Variants in EML6 observed in about 807,000 individuals in gnomAD.
The protein encoded by EML6 is EMAP like 6.
EML6 carries 154 observed loss-of-function variants against 240.1 expected under a neutral mutation model. The observed-to-expected ratio is 0.64, with a 90% CI of 0.56 to 0.73. The LOEUF is 0.73. Ranked by LOEUF, EML6 falls within the 30% of genes least tolerant of loss-of-function variation. The pLI, the probability that EML6 is intolerant of heterozygous loss-of-function variation, is 0.00. For synonymous variants in EML6, 1,148 were observed against 899.0 expected, an observed-to-expected ratio of 1.28 and a Z score of -4.95; for missense variants, 2,964 against 2,474.6, an observed-to-expected ratio of 1.20 and a Z score of -4.20.
intron 5 of EML6, among the ~76,000 whole-genome samples, chr2:54,825,455 GT>G (rs1172925251): frequency 5.3e-5 from 8 of 152,090 alleles, no homozygotes; most frequent in African/African-American, 1.9e-4. Flanking sequence ...TAGAGATGGG[GT>G]TTTGCCATGT....
At chr2:54,753,468 G>A (rs754962711) in intron 2 of EML6, among the ~76,000 whole-genome samples, 3 of 152,130 alleles carry the variant, frequency 2.0e-5, no homozygotes, top group African/African-American at 4.8e-5. Flanking sequence ...AAGTGAGAGT[G>A]ACAGGGAGTC....
chr2:54,909,823 C>T (rs1228666024), intron 24 of EML6, among the ~76,000 whole-genome samples: 1 of 125,108 alleles, frequency 8.0e-6, no homozygotes, highest in Non-Finnish European at 1.6e-5. Flanking sequence ...TGCACTCCAG[C>T]ATGGGTGACA....
chr2:54,928,366 C>T lies in EML6; in HGVS notation c.3729C>T (p.Asn1243=), dbSNP rs1181811849. Residue 1243 remains asparagine (N), a synonymous_variant, in exon 27 of 42, where the codon AAC becomes AAT. Coordinates refer to ENST00000356458, the MANE Select transcript of EML6 (RefSeq NM_001039753.4). ...TGGGGCACAGTGCACATGTCACTAA[C>T]GTGAGGTGGCTGCACAATGACTCTG... ...KYVGHSAHVT[N]VRWLHNDSVL... 7.1e-6 allele frequency: 11 copies of T among 1,552,032 alleles called. No homozygotes were observed. The highest frequency in any genetic ancestry group is 4.4e-6 in the Non-Finnish European group (5 of 1,147,066).
intron 26 of EML6, among the ~76,000 whole-genome samples, chr2:54,923,564 C>A (rs976489139): frequency 1.3e-5 from 2 of 152,090 alleles, no homozygotes; most frequent in Non-Finnish European, 2.9e-5. Context: ...TTTTAGACAT[C>A]AAGATACTTA....
At chr2:54,895,217 A>C in intron 20 of EML6, 56 bp from the exon 21 acceptor site, 1 of 1,536,956 alleles carries the variant, frequency 6.5e-7, no homozygotes. Context: ...AATTGAATTT[A>C]TACTAATAAG....
intron 7 of EML6, among the ~76,000 whole-genome samples, chr2:54,831,764 C>T (rs754722473): frequency 8.6e-5 from 13 of 151,886 alleles, no homozygotes; most frequent in Admixed American, 2.0e-4. Context: ...GATCATGTTC[C>T]AGTTTGAGTC....
At chr2:54,879,858 C>T (rs1157140693) in intron 17 of EML6, 2 of 548,888 alleles carry the variant, frequency 3.6e-6, no homozygotes, top group East Asian at 3.0e-5. Flanking sequence ...TTCCGAAATC[C>T]TCTGCAGAGA....
Position 54,820,401 on chromosome 2 carries a change from A to T in EML6, c.464A>T (p.Asp155Val). 6.5e-7 allele frequency: 1 copy of T among 1,548,826 alleles called. No individual in the cohort carries two copies. Among genetic ancestry groups the T allele is most frequent in the South Asian group, 1.2e-5 (1 of 83,648 alleles). ...TTTTAATGTTTTGAACAGATTTTTG[A>T]TATTTCCTGGGATCCATATCAGCCA... ...SATGHSDRIF[D>V]ISWDPYQPNR... The change falls in exon 5 of 42, where the codon GAT (aspartate) becomes GTT (valine). Residue 155 changes from aspartate (D) to valine (V), a missense_variant. By Grantham distance (152) the Asp-to-Val change is radical. Transcript: ENST00000356458.
At chr2:54,859,847 A>C in intron 12 of EML6, 146 bp downstream of exon 12, 1 of 668,332 alleles carries the variant, frequency 1.5e-6, no homozygotes. Context: ...ATAAGAAGAA[A>C]CTTTAAAGAT....
chr2:54,819,180 T>C (rs942215590), intron 4 of EML6, among the ~76,000 whole-genome samples: 2 of 152,158 alleles, frequency 1.3e-5, no homozygotes, highest in Non-Finnish European at 2.9e-5. Context: ...GAAAAGTTAG[T>C]GGTCTAGGTT....
chr2:54,950,553 C>G (rs1192195698), intron 29 of EML6, 97 bp from the exon 30 acceptor site: 1 of 1,393,208 alleles, frequency 7.2e-7, no homozygotes, highest in Non-Finnish European at 9.8e-7. Context: ...CCATACCGTT[C>G]CTGGGACACA....
Position 54,968,208 on chromosome 2 carries a change from CTGGCCTGAACAT to C in EML6, c.5681_5692del (p.Gly1894_Ile1897del), listed in dbSNP as rs1159317539. The C allele has an allele frequency of 6.4e-7, 1 of 1,551,622 alleles. No homozygotes were observed. The highest frequency in any genetic ancestry group is 2.0e-5 in the Admixed American group (1 of 50,986). On this transcript the variant is annotated inframe_deletion, in exon 40 of 42. Transcript: ENST00000356458. ...GTCAACTGCGCATGTGTGACCCACG[CTGGCCTGAACAT>C]TGTCACAGGAGATGACTTTGGGCTG... is the stretch of plus-strand genomic sequence containing the variant.
At chr2:54,884,414 C>T (rs55917760) in intron 17 of EML6, among the ~76,000 whole-genome samples, 6,229 of 152,146 alleles carry the variant, frequency 0.041, 439 homozygotes, top group African/African-American at 0.14. Flanking sequence ...ATTGGTTTAC[C>T]AACTGGCGAT....
chr2:54,968,583 C>A, intron 40 of EML6, 85 bp from the exon 41 acceptor site: 1 of 810,280 alleles, frequency 1.2e-6, no homozygotes, highest in South Asian at 1.6e-5. Context: ...GTTCTGGGAG[C>A]AGGGGATTTG....
chr2:54,937,553 TAA>T (rs34682923), intron 28 of EML6, among the ~76,000 whole-genome samples: 23,898 of 68,084 alleles, frequency 0.35, 3,893 homozygotes, highest in African/African-American at 0.38. Flanking sequence ...ACTCTGTCTT[TAA>T]AAAAAAAAAA....
At chr2:54,876,840 T>TTCA (rs1302543222) in intron 16 of EML6, among the ~76,000 whole-genome samples, 1 of 152,202 alleles carries the variant, frequency 6.6e-6, no homozygotes, top group Non-Finnish European at 1.5e-5. Flanking sequence ...TTTGTGGTGA[T>TTCA]AACATTCAAG....
intron 16 of EML6, among the ~76,000 whole-genome samples, chr2:54,878,766 G>A (rs1671656987): frequency 6.6e-6 from 1 of 152,026 alleles, no homozygotes; most frequent in South Asian, 2.1e-4. Flanking sequence ...ACAATTATAA[G>A]TAATATTTAA....
chr2:54,965,161 A>G (rs1321554887), intron 38 of EML6, among the ~76,000 whole-genome samples: 2 of 152,162 alleles, frequency 1.3e-5, no homozygotes, highest in African/African-American at 4.8e-5. Flanking sequence ...CTGGAGTGAA[A>G]GCTCATCCCT....
chr2:54,748,527 T>A (rs1283543333), intron 2 of EML6: 2 of 152,230 alleles, frequency 1.3e-5, no homozygotes, highest in Admixed American at 6.6e-5. Flanking sequence ...AGTGTTTACA[T>A]ACATTGTGGC....
Sources: allele counts gnomAD v4.1 joint callset (sites outside exome capture counted in the v4.1 genomes callset), GRCh38; gene constraint gnomAD v4.1.1; transcripts MANE v1.5; gene names NCBI Gene and HGNC (gene_info 2026-07-23, HGNC 2026-07-21).